Variants in AP3M2 observed in about 807,000 individuals in gnomAD.
AP3M2 encodes adaptor related protein complex 3 subunit mu 2, also known as AP-3 complex subunit mu-2.
In AP3M2, 28 loss-of-function variants were observed where a neutral mutation model predicts 41.6. The ratio of observed to expected loss-of-function variants is 0.67; its 90% CI spans 0.50 to 0.92. The LOEUF is 0.92. Ranked by LOEUF, AP3M2 falls within the 40% of genes least tolerant of loss-of-function variation. The probability of loss-of-function intolerance (pLI) is 0.00; values close to 1 mark genes in which losing one functional copy is unlikely to be tolerated. For synonymous variants in AP3M2, 193 were observed against 186.4 expected (o/e 1.04, Z -0.29); for missense variants, 427 against 521.4 (o/e 0.82, Z 1.76).
intron 3 of AP3M2, among the ~76,000 whole-genome samples, chr8:42,161,315 TA>T (rs1397190791): frequency 6.6e-6 from 1 of 151,960 alleles, no homozygotes; most frequent in Admixed American, 6.6e-5. Context: ...CCCTATCTCT[TA>T]AAAAAATTTT....
At position 42,170,081 on chromosome 8, in the gene AP3M2, T is replaced by A. The variant is rs1739353656; in HGVS notation, c.*1020T>A. ...GAAGGTGAGCACAGCTGTGAGTGAG[T>A]GAGCTCATATCTCCATTTGTCAGTG... On this transcript the variant is annotated 3_prime_UTR_variant, in exon 9 of 9. Coordinates refer to ENST00000396926, the MANE Select transcript of AP3M2 (RefSeq NM_006803.4). 1 of 152,174 alleles carries A rather than the reference T, an allele frequency of 6.6e-6. No homozygotes were observed. The highest frequency in any genetic ancestry group is 1.5e-5 in the Non-Finnish European group (1 of 68,042). The allele number at this position is 152,174 out of a possible 1,614,324, so 9.4% of individuals were successfully genotyped here. A position where few individuals can be genotyped will look rare whatever the true frequency, so the allele number is the denominator to read the frequency against.
chr8:42,163,858 AT>A (rs1047203515), intron 4 of AP3M2, among the ~76,000 whole-genome samples: 1 of 152,180 alleles, frequency 6.6e-6, no homozygotes, highest in African/African-American at 2.4e-5. Flanking sequence ...AGATTTTTAC[AT>A]TTTACTGTTT....
rs759612966 is a variant in AP3M2, at chr8:42,162,337, C to T, written c.502C>T (p.Arg168Ter). The change falls in exon 4 of 9, where the codon CGA becomes TGA. Residue 168 changes from arginine to a stop codon, truncating the protein, a stop_gained. Coordinates refer to ENST00000396926, the MANE Select transcript of AP3M2 (RefSeq NM_006803.4). LOFTEE classifies it high-confidence loss of function. ...PTGQLSVVPW[R>*]RTGVKYTNNE... ...TGGGCAGCTGTCAGTGGTGCCTTGG[C>T]GACGGACTGGGGTGAAATATACCAA... 4.3e-6 allele frequency: 7 copies of T among 1,613,510 alleles called. No homozygotes were observed. The highest frequency in any genetic ancestry group is 1.7e-5 in the Admixed American group (1 of 59,966).
In AP3M2 at chr8:42,162,430, T is replaced by C; in HGVS notation, c.583+12T>C. 6.3e-7 allele frequency: 1 copy of C among 1,596,796 alleles called. No homozygotes were observed. The highest frequency in any genetic ancestry group is 1.8e-5 in the Admixed American group (1 of 56,854). ...TATTGATAAATCAGGTAGGTGCTTT[T>C]AATATGTTCTCAGAAATATGAAAAT... On this transcript the variant is annotated intron_variant, in intron 4 of 8. Transcript: ENST00000396926.
chr8:42,157,526 T>G (rs146800372), intron 2 of AP3M2, among the ~76,000 whole-genome samples: 119 of 152,366 alleles, frequency 7.8e-4, no homozygotes, highest in African/African-American at 2.8e-3. Context: ...ATTCACTGCA[T>G]GAATGTTAAG....
chr8:42,165,783 T>C (rs1804624358), intron 6 of AP3M2: 1 of 493,664 alleles, frequency 2.0e-6, no homozygotes, highest in Non-Finnish European at 3.6e-6. Context: ...GAAGATTGAA[T>C]AAGAGAATCT....
chr8:42,153,342 C>T lies in AP3M2; in HGVS notation c.-73+237C>T, dbSNP rs1200803518. Reference sequence around the variant, plus strand: ...GTGCGCTCGCTGGCGCGGCCCGGCACCCCTGCGCTCTTCACCCCGGAACGC... The same window carrying T: ...GTGCGCTCGCTGGCGCGGCCCGGCATCCCTGCGCTCTTCACCCCGGAACGC... On this transcript the variant is annotated intron_variant, in intron 1 of 8. Coordinates refer to ENST00000396926, the MANE Select transcript of AP3M2 (RefSeq NM_006803.4). 8 of 152,292 alleles carry T rather than the reference C, an allele frequency of 5.3e-5. No individual in the cohort carries two copies. The East Asian group carries it at 1.4e-3, about 26-fold the overall frequency. The allele number at this position is 152,292 out of a possible 1,614,324, so 9.4% of individuals were successfully genotyped here.
In AP3M2 at chr8:42,168,986, G is replaced by A. The variant is rs1804714796; in HGVS notation, c.1182G>A (p.Met394Ile). Residue 394 changes from methionine (M) to isoleucine (I), a missense_variant, in exon 9 of 9, where the codon ATG becomes ATA. Around this residue, in one of 3 missense-constraint regions of AP3M2, gnomAD observed 237 missense variants for 284.9 expected, o/e 0.83. Transcript: ENST00000396926. The stretch of plus-strand genomic sequence containing the variant: ...GACTCAAGGTGAATCGTCTGGATAT[G>A]TATGGAGAAAAGTACAAACCCTTTA... ...ISGLKVNRLDMYGEKYKPFKG... is the reference protein window; with the variant it reads ...ISGLKVNRLDIYGEKYKPFKG... 1 of 1,608,994 alleles carries A rather than the reference G, an allele frequency of 6.2e-7. No homozygotes were observed. Among genetic ancestry groups the A allele is most frequent in the Non-Finnish European group, 8.5e-7 (1 of 1,178,050 alleles).
chr8:42,167,409 A>G, intron 7 of AP3M2, 38 bp downstream of exon 7: 4 of 1,605,982 alleles, frequency 2.5e-6, no homozygotes, highest in Non-Finnish European at 8.5e-7. Flanking sequence ...GCTGATGTTA[A>G]GCAGAAACCA....
At chr8:42,166,935 G>A (rs6474379) in intron 6 of AP3M2, 237,335 of 527,580 alleles carry the variant, frequency 0.45, 54,681 homozygotes, top group African/African-American at 0.61. Flanking sequence ...GATTTTGTTT[G>A]TATTATTCAG....
intron 1 of AP3M2, 97 bp downstream of exon 1, chr8:42,153,202 C>T (rs1437716583): frequency 3.3e-5 from 5 of 152,384 alleles, no homozygotes; most frequent in African/African-American, 4.8e-5. Flanking sequence ...GGCGGCCTCT[C>T]AGGGCTGCGG....
At chr8:42,155,050 T>TA (rs888746844) in intron 2 of AP3M2, 90 bp downstream of exon 2, 10,761 of 929,706 alleles carry the variant, frequency 0.012, no homozygotes, top group South Asian at 0.016. Flanking sequence ...TTAAGAAACT[T>TA]AAAAAAAAAA....
In AP3M2 at chr8:42,158,003, A is replaced by G; in HGVS notation, c.336A>G (p.Val112=). ...ACAATGTAGTTGTGGTTTATGAGGT[A>G]TTGGAAGAGATGCTTGACAATGGTT... The part of the protein sequence containing the change: ...IKDNVVVVYE[V]LEEMLDNGFP... Residue 112 remains valine (V), a synonymous_variant, in exon 3 of 9, where the codon GTA becomes GTG. Transcript: ENST00000396926. The G allele has an allele frequency of 2.5e-6, 4 of 1,614,184 alleles. No individual in the cohort carries two copies. The highest frequency in any genetic ancestry group is 2.5e-6 in the Non-Finnish European group (3 of 1,180,022).
intron 6 of AP3M2, chr8:42,165,779 T>G: frequency 2.0e-6 from 1 of 500,516 alleles, no homozygotes; most frequent in Non-Finnish European, 3.5e-6. Context: ...TTCTGAAGAT[T>G]GAATAAGAGA....
intron 4 of AP3M2, among the ~76,000 whole-genome samples, chr8:42,163,185 C>T (rs1045589489): frequency 2.0e-5 from 3 of 151,810 alleles, no homozygotes; most frequent in Admixed American, 2.0e-4. Flanking sequence ...TATTGGGAGG[C>T]TGAGGTGAGA....
intron 3 of AP3M2, among the ~76,000 whole-genome samples, chr8:42,161,161 A>G (rs1012373246): frequency 5.3e-5 from 8 of 152,176 alleles, no homozygotes; most frequent in African/African-American, 1.9e-4. Context: ...AAATTAGCCA[A>G]GCATGGTGGT....
chr8:42,155,028 G>T, intron 2 of AP3M2, 68 bp downstream of exon 2: 8 of 1,301,456 alleles, frequency 6.1e-6, no homozygotes, highest in Non-Finnish European at 8.6e-6. Flanking sequence ...TTTCCATTGT[G>T]TAAAGCCTCC....
chr8:42,164,867 A>G (rs1248444760), intron 4 of AP3M2, among the ~76,000 whole-genome samples: 3 of 152,064 alleles, frequency 2.0e-5, no homozygotes, highest in Non-Finnish European at 2.9e-5. Flanking sequence ...TGTGCAGTTG[A>G]TAAGTGTTCA....
intron 3 of AP3M2, among the ~76,000 whole-genome samples, chr8:42,159,934 A>G (rs1023548270): frequency 6.6e-6 from 1 of 152,210 alleles, no homozygotes; most frequent in Non-Finnish European, 1.5e-5. Flanking sequence ...TATAGTACAC[A>G]AGACAAATAT....
Sources: gnomAD v4.1 joint callset for allele counts (sites outside exome capture counted in the v4.1 genomes callset) on GRCh38, gnomAD v4.1.1 for gene constraint, gnomAD v4.1.1 regional missense constraint, MANE v1.5 for transcripts, NCBI Gene and HGNC (gene_info 2026-07-23, HGNC 2026-07-21) for gene names.